CPEB1: variants seen among roughly 807,000 people sequenced by gnomAD.
The protein encoded by CPEB1 is cytoplasmic polyadenylation element binding protein 1.
Under a neutral mutation model 65.8 loss-of-function variants are expected in CPEB1, and 7 were observed. That is an observed-to-expected ratio of 0.11 (90% CI 0.06 to 0.20). The LOEUF is 0.20. Among genes scored for constraint, CPEB1 ranks in the 10% least tolerant of loss-of-function variants. The pLI, the probability that CPEB1 is intolerant of heterozygous loss-of-function variation, is 1.00. For missense variants in CPEB1, 551 were observed against 712.2 expected, an observed-to-expected ratio of 0.77 and a Z score of 2.58; for synonymous variants, 262 against 260.0, an observed-to-expected ratio of 1.01 and a Z score of -0.08.
chr15:82,610,864 A>T (rs545109016), intron 3 of CPEB1, among the ~76,000 whole-genome samples: 1 of 140,048 alleles, frequency 7.1e-6, no homozygotes, highest in East Asian at 2.4e-4. Flanking sequence ...AGGCTGAGGC[A>T]GGAGAATTGC....
intron 3 of CPEB1, among the ~76,000 whole-genome samples, chr15:82,612,824 ACT>A (rs1207336922): frequency 1.3e-5 from 2 of 150,232 alleles, no homozygotes; most frequent in Admixed American, 6.7e-5. Context: ...ACATAGTGAG[ACT>A]CTGTCTCAAA....
rs528032965 is a variant in CPEB1, at chr15:82,626,863, C to T, written c.271+330G>A. Among the ~76,000 whole-genome samples, 30 of 152,292 alleles carry T rather than the reference C, an allele frequency of 2.0e-4. No homozygotes were observed. In the South Asian group the frequency reaches 2.5e-3, roughly 13 times the overall value. On this transcript the variant is annotated intron_variant, in intron 3 of 12. Transcript: ENST00000684509. ...GGGTTAAATAAAATATTAATTTCAT[C>T]TGTATCTTAATTTTAACATGGCTAC... is the stretch of plus-strand genomic sequence containing the variant.
intron 3 of CPEB1, among the ~76,000 whole-genome samples, chr15:82,587,962 C>G (rs140670559): frequency 1.8e-3 from 273 of 152,218 alleles, no homozygotes; most frequent in Middle Eastern, 0.01. Context: ...GGCTCTGTCA[C>G]ACAGGCTGGA....
chr15:82,551,990 T>C (rs2036342245), intron 9 of CPEB1, among the ~76,000 whole-genome samples: 1 of 151,976 alleles, frequency 6.6e-6, no homozygotes, highest in African/African-American at 2.4e-5. Context: ...CAAAACTAAA[T>C]AAAGCCCTGA....
Position 82,647,196 on chromosome 15 carries a change from C to G in CPEB1, c.-157G>C, listed in dbSNP as rs1355064313. 1 of 152,628 alleles carries G rather than the reference C, an allele frequency of 6.6e-6. No homozygotes were observed. The highest frequency in any genetic ancestry group is 1.5e-5 in the Non-Finnish European group (1 of 68,382). 9.5% of individuals were successfully genotyped at this position (152,628 alleles called of 1,614,324 possible). ...CGAAGCCCCGCCAGTCTTCCGCCCT[C>G]GCGCCACACTACCTGGCCAGCCCCG... On this transcript the variant is annotated 5_prime_UTR_variant, in exon 1 of 13. Transcript: ENST00000684509.
rs537394323 is a variant in CPEB1 at position 82,577,426 on chromosome 15, C to T, written c.272-5894G>A. Among the ~76,000 whole-genome samples the T allele has an allele frequency of 2.3e-3, 353 of 152,220 alleles. 1 individual carries two copies. Among genetic ancestry groups the T allele is most frequent in the Non-Finnish European group, 3.8e-3 (260 of 68,002 alleles). On this transcript the variant is annotated intron_variant, in intron 3 of 12. Coordinates refer to ENST00000684509, the MANE Select transcript of CPEB1 (RefSeq NM_001365242.1). ...ATTTCCTACAAATGTTGCACAAAAA[C>T]TATTTTAAGTTTTCTCTATCTTTTA...
intron 3 of CPEB1, among the ~76,000 whole-genome samples, chr15:82,624,130 C>T (rs920810584): frequency 6.6e-6 from 1 of 152,110 alleles, no homozygotes; most frequent in Non-Finnish European, 1.5e-5. Flanking sequence ...GGTATTTTTG[C>T]TGGTGACCAC....
At chr15:82,602,865 TAAATA>T (rs959028015) in intron 3 of CPEB1, among the ~76,000 whole-genome samples, 2 of 151,638 alleles carry the variant, frequency 1.3e-5, no homozygotes, top group Non-Finnish European at 2.9e-5. Flanking sequence ...TAAATAAAAA[TAAATA>T]AAATAAAATC....
intron 3 of CPEB1, among the ~76,000 whole-genome samples, chr15:82,626,918 T>C (rs571122479): frequency 5.3e-5 from 8 of 152,364 alleles, no homozygotes; most frequent in Admixed American, 3.9e-4. Flanking sequence ...GTGATCCACA[T>C]TATATCTCTT....
chr15:82,555,175 A>AT (rs1157684265), intron 6 of CPEB1, among the ~76,000 whole-genome samples: 1 of 146,478 alleles, frequency 6.8e-6, no homozygotes, highest in Non-Finnish European at 1.6e-5. Context: ...ATTTAGGATA[A>AT]TTTATTTTTT....
intron 3 of CPEB1, chr15:82,571,808 G>A: frequency 1.6e-6 from 2 of 1,245,740 alleles, no homozygotes; most frequent in Non-Finnish European, 1.0e-6. Flanking sequence ...CCCGCTGCCA[G>A]TGACATCAGC....
intron 8 of CPEB1, 128 bp from the exon 9 acceptor site, chr15:82,552,744 C>A (rs1023979921): frequency 2.8e-6 from 3 of 1,054,352 alleles, no homozygotes; most frequent in Non-Finnish European, 4.2e-6. Context: ...TTGTTTTACT[C>A]CTGAAAAGTC....
intron 1 of CPEB1, among the ~76,000 whole-genome samples, chr15:82,646,696 C>G (rs928432276): frequency 1.3e-5 from 2 of 152,234 alleles, no homozygotes; most frequent in Non-Finnish European, 2.9e-5. Flanking sequence ...GCTCACAGAG[C>G]CTTCTGGTCT....
At chr15:82,578,458 T>C (rs1027225678) in intron 3 of CPEB1, among the ~76,000 whole-genome samples, 2 of 152,162 alleles carry the variant, frequency 1.3e-5, no homozygotes, top group Non-Finnish European at 2.9e-5. Flanking sequence ...AAAATGTATA[T>C]ATACAGTGTT....
intron 3 of CPEB1, among the ~76,000 whole-genome samples, chr15:82,572,230 T>C (rs1213402558): frequency 6.6e-6 from 1 of 152,194 alleles, no homozygotes; most frequent in Non-Finnish European, 1.5e-5. Flanking sequence ...CAAAAATCTG[T>C]GCTCCAAGTG....
chr15:82,571,633 C>G, intron 3 of CPEB1, 101 bp from the exon 4 acceptor site: 1 of 1,475,532 alleles, frequency 6.8e-7, no homozygotes, highest in Non-Finnish European at 9.0e-7. Context: ...CCCAGGCTCA[C>G]AGGCCAGACA....
At chr15:82,618,335 CATAA>C (rs1246896740) in intron 3 of CPEB1, among the ~76,000 whole-genome samples, 1 of 152,184 alleles carries the variant, frequency 6.6e-6, no homozygotes, top group Admixed American at 6.5e-5. Flanking sequence ...TGAAAACACA[CATAA>C]ATACACATAT....
chr15:82,580,692 A>G (rs1247666783), intron 3 of CPEB1, among the ~76,000 whole-genome samples: 1 of 152,072 alleles, frequency 6.6e-6, no homozygotes. Context: ...CTCTCCTCCT[A>G]GCCCCTGGTT....
At chr15:82,592,329 T>C (rs2042324651) in intron 3 of CPEB1, among the ~76,000 whole-genome samples, 1 of 152,124 alleles carries the variant, frequency 6.6e-6, no homozygotes, top group Non-Finnish European at 1.5e-5. Flanking sequence ...GGCTCACGCC[T>C]GTATTCCTAG....
Sources: allele counts gnomAD v4.1 joint callset (sites outside exome capture counted in the v4.1 genomes callset), GRCh38; gene constraint gnomAD v4.1.1; transcripts MANE v1.5; gene names NCBI Gene and HGNC (gene_info 2026-07-23, HGNC 2026-07-21).